OR5B3: variants seen among roughly 807,000 people sequenced by gnomAD.
OR5B3 encodes olfactory receptor family 5 subfamily B member 3.
For missense variants in OR5B3, 430 were observed against 375.4 expected, an observed-to-expected ratio of 1.15 and a Z score of -1.20; for synonymous variants, 150 against 135.0, an observed-to-expected ratio of 1.11 and a Z score of -0.77.
Position 58,402,745 on chromosome 11 carries a change from G to A in OR5B3, c.665C>T (p.Thr222Ile), listed in dbSNP as rs781119613. The A allele has an allele frequency of 6.2e-7, 1 of 1,613,884 alleles. No individual in the cohort carries two copies. Among genetic ancestry groups the A allele is most frequent in the Non-Finnish European group, 8.5e-7 (1 of 1,179,916 alleles). The change falls in exon 2 of 2, where the codon ACC becomes ATC. Residue 222 changes from threonine to isoleucine, a missense_variant. Thr to Ile is a moderately conservative substitution (Grantham distance 89). Coordinates refer to ENST00000641865, the MANE Select transcript of OR5B3 (RefSeq NM_001005469.2). ...ILISYTFIFITILKMHSASVY... is the reference protein window; with the variant it reads ...ILISYTFIFIIILKMHSASVY... ...TGAAGCTGAGTGCATCTTTAGGATG[G>A]TGATAAAAATGAATGTGTAGGATAT...
At position 58,403,327 on chromosome 11, in the gene OR5B3, G is replaced by T. The variant is rs533793808; in HGVS notation, c.83C>A (p.Thr28Lys). Residue 28 changes from threonine (T) to lysine (K), a missense_variant, in exon 2 of 2, where the codon ACG becomes AAG. By Grantham distance (78) the Thr-to-Lys change is moderately conservative. Transcript: ENST00000641865. ...DSELQVPLFI[T>K]FPFIYIITLV... ...AGTGATAATATAGATGAAGGGGAAC[G>T]TTATAAAGAGGGGAACCTGCAGTTC... is the stretch of plus-strand genomic sequence containing the variant. 6.2e-7 allele frequency: 1 copy of T among 1,612,142 alleles called. No individual in the cohort carries two copies. Among genetic ancestry groups the T allele is most frequent in the African/African-American group, 1.3e-5 (1 of 74,860 alleles).
At position 58,403,336 on chromosome 11, in the gene OR5B3, AG is replaced by A. The variant is rs777382477; in HGVS notation, c.73del (p.Leu25SerfsTer3). ...LTNDSELQVP[L>X]FITFPFIYII... ...ATAGATGAAGGGGAACGTTATAAAG[AG>A]GGGAACCTGCAGTTCTGAGTCATTG... On this transcript the variant is annotated frameshift_variant, in exon 2 of 2. Transcript: ENST00000641865. LOFTEE classifies it low-confidence loss of function (END_TRUNC). 79 of 1,612,630 alleles carry A rather than the reference AG, an allele frequency of 4.9e-5. 1 individual carries two copies. In the Admixed American group the frequency reaches 1.2e-3, roughly 24 times the overall value.
At chr11:58,406,077 A>G (rs1472785999) in intron 1 of OR5B3, among the ~76,000 whole-genome samples, 1 of 152,164 alleles carries the variant, frequency 6.6e-6, no homozygotes, top group African/African-American at 2.4e-5. Context: ...TTATGTTGCT[A>G]ACTTTAACAT....
Position 58,403,095 on chromosome 11 carries a change from A to C in OR5B3, c.315T>G (p.Phe105Leu). ...CAAQMYIFVA[F>L]ATVENYLLAS... ...CCAAGAGGTAATTTTCCACAGTGGC[A>C]AAAGCTACAAAGATATACATTTGAG... is the stretch of plus-strand genomic sequence containing the variant. The change falls in exon 2 of 2, where the codon TTT (phenylalanine) becomes TTG (leucine). Residue 105 changes from phenylalanine to leucine, a missense_variant. Phe to Leu is a conservative substitution (Grantham distance 22). Transcript: ENST00000641865. 1 of 1,614,172 alleles carries C rather than the reference A, an allele frequency of 6.2e-7. No individual in the cohort carries two copies. The highest frequency in any genetic ancestry group is 8.5e-7 in the Non-Finnish European group (1 of 1,179,992).
intron 1 of OR5B3, among the ~76,000 whole-genome samples, chr11:58,405,447 G>A (rs1190067613): frequency 6.6e-6 from 1 of 152,094 alleles, no homozygotes; most frequent in Non-Finnish European, 1.5e-5. Flanking sequence ...CTCCTTTGCA[G>A]GGACATAGAT....
intron 1 of OR5B3, 94 bp from the exon 2 acceptor site, chr11:58,403,529 A>T: frequency 1.7e-6 from 1 of 580,256 alleles, no homozygotes; most frequent in Non-Finnish European, 2.9e-6. Flanking sequence ...TGTAGCAATA[A>T]CTTGTACTTC....
In OR5B3 at chr11:58,402,479, C is replaced by T. The variant is rs1264727430; in HGVS notation, c.931G>A (p.Gly311Arg). 7 of 1,601,906 alleles carry T rather than the reference C, an allele frequency of 4.4e-6. No individual in the cohort carries two copies. The South Asian group carries it at 6.6e-5, about 15-fold the overall frequency. Reference sequence around the variant, plus strand: ...ATCCCACAATGTTAAACTGACCATCCTACAGACAATTTTGCCTTCTCAACA... The same window carrying T: ...ATCCCACAATGTTAAACTGACCATCTTACAGACAATTTTGCCTTCTCAACA... ...KVVEKAKLSVGWSV is the reference protein window; with the variant it reads ...KVVEKAKLSVRWSV Residue 311 changes from glycine (G) to arginine (R), a missense_variant, in exon 2 of 2, where the codon GGA becomes AGA. Transcript: ENST00000641865.
Position 58,402,875 on chromosome 11 carries a change from T to C in OR5B3, c.535A>G (p.Ile179Val), listed in dbSNP as rs200307236. 1 of 1,614,004 alleles carries C rather than the reference T, an allele frequency of 6.2e-7. No individual in the cohort carries two copies. Among genetic ancestry groups the C allele is most frequent in the Admixed American group, 1.7e-5 (1 of 60,008 alleles). ...SNEVHHFFCDIPAVMVLSCSD... is the reference protein window; with the variant it reads ...SNEVHHFFCDVPAVMVLSCSD... ...CAAGAGAGAACCATGACTGCTGGAA[T>C]ATCACAGAAAAAGTGATGGACTTCA... Residue 179 changes from isoleucine to valine, a missense_variant, in exon 2 of 2, where the codon ATT (isoleucine) becomes GTT (valine). Coordinates refer to ENST00000641865, the MANE Select transcript of OR5B3 (RefSeq NM_001005469.2).
Position 58,403,322 on chromosome 11 carries a change from G to A in OR5B3, c.88C>T (p.Pro30Ser), listed in dbSNP as rs1364468653. The A allele has an allele frequency of 6.2e-7, 1 of 1,612,540 alleles. No homozygotes were observed. The highest frequency in any genetic ancestry group is 8.5e-7 in the Non-Finnish European group (1 of 1,178,938). The change falls in exon 2 of 2, where the codon CCC (proline) becomes TCC (serine). Residue 30 changes from proline to serine, a missense_variant. Pro to Ser is a moderately conservative substitution (Grantham distance 74, BLOSUM62 -1). Coordinates refer to ENST00000641865, the MANE Select transcript of OR5B3 (RefSeq NM_001005469.2). ...ACCAGAGTGATAATATAGATGAAGG[G>A]GAACGTTATAAAGAGGGGAACCTGC... ...ELQVPLFITF[P>S]FIYIITLVGN...
intron 1 of OR5B3, among the ~76,000 whole-genome samples, chr11:58,404,288 T>G (rs1256640121): frequency 2.0e-5 from 3 of 151,344 alleles, no homozygotes; most frequent in Non-Finnish European, 2.9e-5. Context: ...AAACATCACA[T>G]TTTCTTCTGT....
chr11:58,402,489 T>A lies in OR5B3; in HGVS notation c.921A>T (p.Lys307Asn), dbSNP rs201280842. 593 of 1,609,428 alleles carry A rather than the reference T, an allele frequency of 3.7e-4. No individual in the cohort carries two copies. Among genetic ancestry groups the A allele is most frequent in the Non-Finnish European group, 4.7e-4 (549 of 1,175,916 alleles). ...GTTAAACTGACCATCCTACAGACAATTTTGCCTTCTCAACAACTTTCTTGA... is the reference window on the plus strand; with the variant it reads ...GTTAAACTGACCATCCTACAGACAAATTTGCCTTCTCAACAACTTTCTTGA... ...SAFKKVVEKA[K>N]LSVGWSV Residue 307 changes from lysine to asparagine, a missense_variant, in exon 2 of 2, where the codon AAA becomes AAT. By Grantham distance (94) the Lys-to-Asn change is moderately conservative. Coordinates refer to ENST00000641865, the MANE Select transcript of OR5B3 (RefSeq NM_001005469.2).
intron 1 of OR5B3, among the ~76,000 whole-genome samples, chr11:58,404,990 T>A (rs1855082180): frequency 6.6e-6 from 1 of 152,290 alleles, no homozygotes; most frequent in African/African-American, 2.4e-5. Context: ...GGAGTATGGA[T>A]CCTGTCACCC....
In OR5B3 at chr11:58,402,769, A is replaced by T; in HGVS notation, c.641T>A (p.Ile214Lys). Residue 214 changes from isoleucine to lysine, a missense_variant, in exon 2 of 2, where the codon ATA becomes AAA. Coordinates refer to ENST00000641865, the MANE Select transcript of OR5B3 (RefSeq NM_001005469.2). ...GGTGATAAAAATGAATGTGTAGGAT[A>T]TCAAGATAACCAGGAGAGCTATAAA... Reference protein sequence around the residue: ...NIFIALLVILISYTFIFITIL... With the variant: ...NIFIALLVILKSYTFIFITIL... The T allele has an allele frequency of 6.2e-7, 1 of 1,613,972 alleles. No homozygotes were observed. The highest frequency in any genetic ancestry group is 2.2e-5 in the East Asian group (1 of 44,884).
chr11:58,402,978 T>C lies in OR5B3; in HGVS notation c.432A>G (p.Ile144Met). 6.2e-7 allele frequency: 1 copy of C among 1,614,016 alleles called. No homozygotes were observed. Among genetic ancestry groups the C allele is most frequent in the East Asian group, 2.2e-5 (1 of 44,884 alleles). Reference protein sequence around the residue: ...MTTTVCARLAIGSYLCGFLNA... With the variant: ...MTTTVCARLAMGSYLCGFLNA... ...TCAGGAAACCACAGAGGTAGGAGCC[T>C]ATGGCCAGACGAGCACACACAGTTG... is the stretch of plus-strand genomic sequence containing the variant. The change falls in exon 2 of 2, where the codon ATA becomes ATG. Residue 144 changes from isoleucine (I) to methionine (M), a missense_variant. Transcript: ENST00000641865.
In OR5B3 at chr11:58,403,221, G is replaced by C. The variant is rs1855057612; in HGVS notation, c.189C>G (p.Asn63Lys). 6.2e-7 allele frequency: 1 copy of C among 1,613,908 alleles called. No homozygotes were observed. The highest frequency in any genetic ancestry group is 1.3e-5 in the African/African-American group (1 of 75,016). The change falls in exon 2 of 2, where the codon AAC (asparagine) becomes AAG (lysine). Residue 63 changes from asparagine to lysine, a missense_variant. Asn to Lys is a moderately conservative substitution (Grantham distance 94). Coordinates refer to ENST00000641865, the MANE Select transcript of OR5B3 (RefSeq NM_001005469.2). ...AGTAGCAAAAGTCCACTAGAGACAAGTTACTGAGAAAAAAGTACATGGGAT... is the reference window on the plus strand; with the variant it reads ...AGTAGCAAAAGTCCACTAGAGACAACTTACTGAGAAAAAAGTACATGGGAT... ...LHNPMYFFLSNLSLVDFCYSS... is the reference protein window; with the variant it reads ...LHNPMYFFLSKLSLVDFCYSS...
intron 1 of OR5B3, among the ~76,000 whole-genome samples, chr11:58,406,501 T>G (rs926647501): frequency 6.6e-6 from 1 of 151,906 alleles, no homozygotes. Context: ...TTTTGGTTTT[T>G]TTTTTTACCA....
chr11:58,403,263 C>CAT lies in OR5B3; in HGVS notation c.146_147insAT (p.Trp49Ter). 6.2e-7 allele frequency: 1 copy of CAT among 1,613,696 alleles called. No individual in the cohort carries two copies. The highest frequency in any genetic ancestry group is 1.6e-4 in the Middle Eastern group (1 of 6,062). ...GNLGIIVLIF[W>*]DSCLHNPMYF... is the part of the protein sequence containing the mutation. ...ACATGGGATTGTGGAGACAGGAATC[C>CAT]CAGAATATCAATACAATAATTCCCA... is the stretch of plus-strand genomic sequence containing the variant. Residue 49 changes from tryptophan to a stop codon, truncating the protein, a stop_gained and frameshift_variant, in exon 2 of 2, where the codon TGG becomes TGATG. Transcript: ENST00000641865. LOFTEE classifies it low-confidence loss of function (END_TRUNC).
rs1855051874 is a variant in OR5B3 at position 58,402,980 on chromosome 11, T to C, written c.430A>G (p.Ile144Val). The C allele has an allele frequency of 1.9e-6, 3 of 1,614,044 alleles. No individual in the cohort carries two copies. Among genetic ancestry groups the C allele is most frequent in the Non-Finnish European group, 2.5e-6 (3 of 1,179,964 alleles). Residue 144 changes from isoleucine to valine, a missense_variant, in exon 2 of 2, where the codon ATA becomes GTA. By Grantham distance (29) the Ile-to-Val change is conservative. Coordinates refer to ENST00000641865, the MANE Select transcript of OR5B3 (RefSeq NM_001005469.2). ...AGGAAACCACAGAGGTAGGAGCCTA[T>C]GGCCAGACGAGCACACACAGTTGTT... ...MTTTVCARLAIGSYLCGFLNA... is the reference protein window; with the variant it reads ...MTTTVCARLAVGSYLCGFLNA...
chr11:58,404,878 GTATT>G (rs768843109), intron 1 of OR5B3, among the ~76,000 whole-genome samples: 31 of 152,160 alleles, frequency 2.0e-4, no homozygotes, highest in South Asian at 1.5e-3. Flanking sequence ...CAATATTTTA[GTATT>G]TATTTATTTT....
Sources: allele counts gnomAD v4.1 joint callset (sites outside exome capture counted in the v4.1 genomes callset), GRCh38; gene constraint gnomAD v4.1.1; transcripts MANE v1.5; gene names NCBI Gene and HGNC (gene_info 2026-07-23, HGNC 2026-07-21).